Variants in DLG2 observed in about 807,000 individuals in gnomAD.
DLG2 encodes the protein discs large MAGUK scaffold protein 2, also known as disks large homolog 2.
Under a neutral mutation model 132.5 loss-of-function variants are expected in DLG2, and 45 were observed. The ratio of observed to expected loss-of-function variants is 0.34; its 90% CI spans 0.27 to 0.44. The LOEUF (loss-of-function observed/expected upper bound fraction) is 0.44, where lower values mean the gene tolerates loss of function less well. Among genes scored for constraint, DLG2 ranks in the 20% least tolerant of loss-of-function variants. The probability of loss-of-function intolerance (pLI) is 1.00; values close to 1 mark genes in which losing one functional copy is unlikely to be tolerated. For synonymous variants in DLG2, 424 were observed against 419.6 expected, an observed-to-expected ratio of 1.01 and a Z score of -0.13; for missense variants, 1,045 against 1,196.9, an observed-to-expected ratio of 0.87 and a Z score of 1.87.
At chr11:84,179,015 T>A (rs563317578) in intron 8 of DLG2, among the ~76,000 whole-genome samples, 1 of 152,172 alleles carries the variant, frequency 6.6e-6, no homozygotes, top group Admixed American at 6.6e-5. Flanking sequence ...ATAGAAGCTA[T>A]TTCTCAGGCA....
chr11:85,244,903 A>C (rs1302877009), intron 4 of DLG2, among the ~76,000 whole-genome samples: 1 of 151,954 alleles, frequency 6.6e-6, no homozygotes. Flanking sequence ...ATTTATCACA[A>C]GAAACTTTAG....
intron 3 of DLG2, among the ~76,000 whole-genome samples, chr11:85,293,777 C>T (rs905124074): frequency 6.6e-6 from 1 of 152,096 alleles, no homozygotes; most frequent in East Asian, 1.9e-4. Flanking sequence ...TTGGACTGCT[C>T]ATTAGATAAT....
At chr11:84,364,464 A>G (rs1296872897) in intron 7 of DLG2, among the ~76,000 whole-genome samples, 1 of 152,196 alleles carries the variant, frequency 6.6e-6, no homozygotes, top group African/African-American at 2.4e-5. Context: ...AAACAGGGAC[A>G]GTTTGACTTC....
chr11:83,707,258 A>C (rs1447280106), intron 18 of DLG2, among the ~76,000 whole-genome samples: 1 of 152,182 alleles, frequency 6.6e-6, no homozygotes, highest in Non-Finnish European at 1.5e-5. Context: ...AGTAGAAATC[A>C]GTTGCCCTTA....
chr11:85,439,252 A>G (rs1017408110), intron 3 of DLG2, among the ~76,000 whole-genome samples: 13 of 152,182 alleles, frequency 8.5e-5, no homozygotes, highest in African/African-American at 3.1e-4. Flanking sequence ...CCCACCAGCA[A>G]TGAATGAATG....
chr11:85,020,408 T>C lies in DLG2; in HGVS notation c.357+91253A>G, dbSNP rs1242990798. ...ACTGCAAAAATTTTCTCCCATTCTGTAGGTCGCCTGTTCACTCTAATGGTG... is the reference window on the plus strand; with the variant it reads ...ACTGCAAAAATTTTCTCCCATTCTGCAGGTCGCCTGTTCACTCTAATGGTG... On this transcript the variant is annotated intron_variant, in intron 6 of 27. Transcript: ENST00000376104. Among the ~76,000 whole-genome samples the C allele has an allele frequency of 2.0e-5, 3 of 152,198 alleles. No homozygotes were observed. In the East Asian group the frequency reaches 5.8e-4, roughly 29 times the overall value.
chr11:84,691,691 A>C (rs548011101), intron 6 of DLG2, among the ~76,000 whole-genome samples: 1 of 151,508 alleles, frequency 6.6e-6, no homozygotes, highest in African/African-American at 2.4e-5. Context: ...ATGGCAACCC[A>C]CACCATTAGA....
At position 84,552,497 on chromosome 11, in the gene DLG2, G is replaced by C. The variant is rs375745890; in HGVS notation, c.358-17766C>G. ...AGTTAAGATGACAATCTTTCCAGGA[G>C]CCTCCATAATTTATTCACTGCCTCC... On this transcript the variant is annotated intron_variant, in intron 6 of 27. Transcript: ENST00000376104. Among the ~76,000 whole-genome samples the C allele has an allele frequency of 4.6e-5, 7 of 152,246 alleles. No individual in the cohort carries two copies. In the East Asian group the frequency reaches 9.6e-4, roughly 21 times the overall value.
At chr11:83,833,975 T>C (rs2055345553) in intron 16 of DLG2, among the ~76,000 whole-genome samples, 1 of 152,230 alleles carries the variant, frequency 6.6e-6, no homozygotes, top group Non-Finnish European at 1.5e-5. Context: ...CAAAATACCA[T>C]GCAAAAAATC....
At chr11:83,997,730 C>CAAAAAAAAAAAAAAAAAAAAAAAA (rs71066079) in intron 11 of DLG2, among the ~76,000 whole-genome samples, 2 of 24,796 alleles carry the variant, frequency 8.1e-5, no homozygotes, top group African/African-American at 1.5e-4. Context: ...GACTCCATCT[C>CAAAAAAAAAAAAAAAAAAAAAAAA]AAAAAAAAAA....
chr11:85,001,367 G>T (rs571184740), intron 6 of DLG2, among the ~76,000 whole-genome samples: 1 of 152,116 alleles, frequency 6.6e-6, no homozygotes, highest in Non-Finnish European at 1.5e-5. Context: ...CACATTAACA[G>T]ATATATTATC....
At chr11:85,005,964 T>C (rs1472782884) in intron 6 of DLG2, among the ~76,000 whole-genome samples, 1 of 152,252 alleles carries the variant, frequency 6.6e-6, no homozygotes, top group Non-Finnish European at 1.5e-5. Context: ...AGGCCTTTTC[T>C]GCATCTATTG....
intron 17 of DLG2, among the ~76,000 whole-genome samples, chr11:83,821,828 C>G (rs765499899): frequency 1.1e-4 from 16 of 152,258 alleles, no homozygotes; most frequent in Non-Finnish European, 1.9e-4. Context: ...ATTTCCTTCT[C>G]TCTACTGAAT....
intron 3 of DLG2, among the ~76,000 whole-genome samples, chr11:85,299,838 T>C (rs1480934198): frequency 6.6e-6 from 1 of 152,202 alleles, no homozygotes; most frequent in African/African-American, 2.4e-5. Context: ...TGAAAAACAT[T>C]TCAGTACTGT....
rs569699667 is a variant in DLG2 at position 85,570,442 on chromosome 11, G to A, written c.40+28215C>T. Among the ~76,000 whole-genome samples, 4 of 152,254 alleles carry A rather than the reference G, an allele frequency of 2.6e-5. No individual in the cohort carries two copies. In the South Asian group the frequency reaches 6.2e-4, roughly 24 times the overall value. Reference sequence around the variant, plus strand: ...GTTGTTTGGTGTCACTATTTCTAATGAGAAATCAATGGTTAATCCTATTAG... The same window carrying A: ...GTTGTTTGGTGTCACTATTTCTAATAAGAAATCAATGGTTAATCCTATTAG... On this transcript the variant is annotated intron_variant, in intron 3 of 27. Transcript: ENST00000376104.
At chr11:83,567,778 T>C (rs186276761) in intron 19 of DLG2, among the ~76,000 whole-genome samples, 90 of 152,156 alleles carry the variant, frequency 5.9e-4, no homozygotes, top group African/African-American at 2.0e-3. Flanking sequence ...TTACAAGGTA[T>C]AGAGACCTGA....
intron 4 of DLG2, among the ~76,000 whole-genome samples, chr11:85,182,326 A>T (rs1409486671): frequency 6.6e-6 from 1 of 151,890 alleles, no homozygotes; most frequent in East Asian, 1.9e-4. Flanking sequence ...TTACACTGAA[A>T]CACACTTCTC....
Position 83,549,707 on chromosome 11 carries a change from T to C in DLG2, c.1941-7849A>G, listed in dbSNP as rs151166967. On this transcript the variant is annotated intron_variant, in intron 19 of 27. Coordinates refer to ENST00000376104, the MANE Select transcript of DLG2 (RefSeq NM_001142699.3). ...CTCTTATTTTATAAAAATCACAATT[T>C]TCTATTTGTATTATCTTCTTAAAAA... Among the ~76,000 whole-genome samples the C allele has an allele frequency of 5.7e-3, 871 of 152,268 alleles. 4 individuals carry two copies. The highest frequency in any genetic ancestry group is 0.024 in the Middle Eastern group (7 of 294).
chr11:85,196,383 A>T (rs2081069004), intron 4 of DLG2, among the ~76,000 whole-genome samples: 1 of 152,214 alleles, frequency 6.6e-6, no homozygotes, highest in Non-Finnish European at 1.5e-5. Flanking sequence ...GATAAATAAC[A>T]TGCAAAGTAT....
Sources: gnomAD v4.1 joint callset for allele counts (sites outside exome capture counted in the v4.1 genomes callset) on GRCh38, gnomAD v4.1.1 for gene constraint, MANE v1.5 for transcripts, NCBI Gene and HGNC (gene_info 2026-07-23, HGNC 2026-07-21) for gene names.